The following SATB1 variants were observed in gnomAD, a reference collection of about 807,000 sequenced individuals.
SATB1 encodes SATB homeobox 1.
SATB1 carries 11 observed loss-of-function variants against 86.9 expected under a neutral mutation model. That is an observed-to-expected ratio of 0.13 (90% CI 0.08 to 0.21). The LOEUF (loss-of-function observed/expected upper bound fraction) is 0.21, where lower values mean the gene tolerates loss of function less well. SATB1 is among the 10% of genes least tolerant of loss of function. The probability of loss-of-function intolerance (pLI) is 1.00; values close to 1 mark genes in which losing one functional copy is unlikely to be tolerated. For synonymous variants in SATB1, 357 were observed against 357.2 expected, an observed-to-expected ratio of 1.00 and a Z score of 0.01; for missense variants, 551 against 937.6, an observed-to-expected ratio of 0.59 and a Z score of 5.39.
At chr3:18,415,356 G>C in intron 4 of SATB1, 122 bp from the exon 5 acceptor site, 1 of 1,114,430 alleles carries the variant, frequency 9.0e-7, no homozygotes, top group Non-Finnish European at 1.3e-6. Flanking sequence ...GATTGCTCTC[G>C]GTCTCCTGAT....
At chr3:18,430,331 T>C (rs1243106604), upstream of SATB1, among the ~76,000 whole-genome samples, 1 of 152,226 alleles carries the variant, frequency 6.6e-6, no homozygotes, top group African/African-American at 2.4e-5. Flanking sequence ...AATTAGCCTG[T>C]AGATCTGTAA....
At chr3:18,426,708 G>T (rs570837439), upstream of SATB1, among the ~76,000 whole-genome samples, 1 of 152,220 alleles carries the variant, frequency 6.6e-6, no homozygotes, top group South Asian at 2.1e-4. This position sits in a 1 kb window ranked among gnomAD's most constrained non-coding sequence, Gnocchi z 4.2. Context: ...TGCTGGTAGG[G>T]AAAAGAGAAA....
rs532639233 is a variant in SATB1, at chr3:18,387,748, C to A, written c.1207-1137G>T. On this transcript the variant is annotated intron_variant, in intron 7 of 10. Coordinates refer to ENST00000338745, the MANE Select transcript of SATB1 (RefSeq NM_002971.6). ...TTTGTCAGGATTTCTATATAATTTGCAAATCTACTTTCCAATATCCTGCAG... is the reference window on the plus strand; with the variant it reads ...TTTGTCAGGATTTCTATATAATTTGAAAATCTACTTTCCAATATCCTGCAG... 2.5e-4 allele frequency among the ~76,000 whole-genome samples: 38 copies of A among 152,216 alleles called. 2 individuals are homozygous for A. The South Asian group carries it at 7.9e-3, about 32-fold the overall frequency.
At chr3:18,434,167 A>G (rs1376300762) in intron 2 of SATB1, among the ~76,000 whole-genome samples, 29 of 152,022 alleles carry the variant, frequency 1.9e-4, no homozygotes. Flanking sequence ...TTAACCTCTC[A>G]TCTCTTCTTT....
chr3:18,415,337 G>A, intron 4 of SATB1, 103 bp from the exon 5 acceptor site: 1 of 1,337,198 alleles, frequency 7.5e-7, no homozygotes, highest in African/African-American at 1.5e-5. Flanking sequence ...TCAAACAGAT[G>A]CATCTGGAGA....
chr3:18,345,842 T>C lies in SATB1; in HGVS notation c.*3328A>G, dbSNP rs1694027757. On this transcript the variant is annotated 3_prime_UTR_variant, in exon 11 of 11. Coordinates refer to ENST00000338745, the MANE Select transcript of SATB1 (RefSeq NM_002971.6). ...TCATTTATTGAGAATATTGTGACAATCAAAGACCTTAATATCAGCCAGATG... is the reference window on the plus strand; with the variant it reads ...TCATTTATTGAGAATATTGTGACAACCAAAGACCTTAATATCAGCCAGATG... The C allele has an allele frequency of 1.3e-5, 2 of 152,062 alleles. No homozygotes were observed. Among genetic ancestry groups the C allele is most frequent in the Non-Finnish European group, 2.9e-5 (2 of 67,956 alleles). 9.4% of individuals were successfully genotyped at this position (152,062 alleles called of 1,614,324 possible). A position where few individuals can be genotyped will look rare whatever the true frequency, so the allele number is the denominator to read the frequency against.
At chr3:18,440,393 C>T (rs1415757472), upstream of SATB1, among the ~76,000 whole-genome samples, 1 of 152,118 alleles carries the variant, frequency 6.6e-6, no homozygotes, top group African/African-American at 2.4e-5. Flanking sequence ...GACCCCTATC[C>T]CCAACCAGGA....
rs923352427 is a variant in SATB1 at position 18,425,100 on chromosome 3, G to A, written c.-1498C>T. On this transcript the variant is annotated 5_prime_UTR_variant, in exon 1 of 11. Transcript: ENST00000338745. The stretch of plus-strand genomic sequence containing the variant: ...CCGCCGCCGTGCCCCGCTCGGCTCC[G>A]CGCGTCCGCCCGGGCTGCAGCCCTC... 3.0e-5 allele frequency: 5 copies of A among 164,070 alleles called. No individual in the cohort carries two copies. The highest frequency in any genetic ancestry group is 7.2e-5 in the African/African-American group (3 of 41,530). The allele number at this position is 164,070 out of a possible 1,614,324, so 10.2% of individuals were successfully genotyped here.
chr3:18,429,716 C>T (rs1698826953), upstream of SATB1, among the ~76,000 whole-genome samples: 1 of 152,084 alleles, frequency 6.6e-6, no homozygotes, highest in Non-Finnish European at 1.5e-5. The surrounding 1 kb of genome is among the most constrained non-coding windows in gnomAD (Gnocchi z 4.1). Context: ...AGTTCTGGCC[C>T]CCATTATATA....
At chr3:18,441,849 A>G (rs911893816), upstream of SATB1, among the ~76,000 whole-genome samples, 7 of 152,300 alleles carry the variant, frequency 4.6e-5, no homozygotes, top group Non-Finnish European at 1.0e-4. Flanking sequence ...TTTCTTTACC[A>G]TCACTCAGCA....
rs914172155 is a variant in SATB1 at position 18,346,952 on chromosome 3, G to C, written c.*2218C>G. The C allele has an allele frequency of 2.6e-5, 4 of 152,078 alleles. No homozygotes were observed. The highest frequency in any genetic ancestry group is 9.7e-5 in the African/African-American group (4 of 41,404). 9.4% of individuals were successfully genotyped at this position (152,078 alleles called of 1,614,324 possible). On this transcript the variant is annotated 3_prime_UTR_variant, in exon 11 of 11. Coordinates refer to ENST00000338745, the MANE Select transcript of SATB1 (RefSeq NM_002971.6). The stretch of plus-strand genomic sequence containing the variant: ...TACTTTTCTGAACTCTAGTGAGCCA[G>C]AATGTTTGTTTTCTTACTAAATAAA...
At chr3:18,391,723 CCTT>C (rs1388674474) in intron 7 of SATB1, among the ~76,000 whole-genome samples, 3 of 152,074 alleles carry the variant, frequency 2.0e-5, no homozygotes, top group Non-Finnish European at 4.4e-5. Flanking sequence ...CTGCAGAGCT[CCTT>C]GTCTATACAT....
intron 7 of SATB1, among the ~76,000 whole-genome samples, chr3:18,390,383 T>C (rs763234826): frequency 3.3e-5 from 5 of 152,194 alleles, no homozygotes; most frequent in Non-Finnish European, 2.9e-5. Context: ...TAATCCTATG[T>C]CCAGGTAAAA....
intron 10 of SATB1, chr3:18,351,672 A>T (rs1278576809): frequency 2.0e-6 from 1 of 499,956 alleles, no homozygotes; most frequent in African/African-American, 1.9e-5. Context: ...TTAAATTGTG[A>T]TTTTTAAAAA....
chr3:18,440,255 A>G (rs576831437), upstream of SATB1, among the ~76,000 whole-genome samples: 1 of 152,218 alleles, frequency 6.6e-6, no homozygotes, highest in South Asian at 2.1e-4. Context: ...TTGATGTTAT[A>G]GTTGAGGTAT....
upstream of SATB1, among the ~76,000 whole-genome samples, chr3:18,441,252 T>A (rs191967724): frequency 6.6e-6 from 1 of 152,282 alleles, no homozygotes; most frequent in East Asian, 1.9e-4. Context: ...TATGACAGTA[T>A]ATAGCAACTA....
chr3:18,360,287 TTTACA>T (rs1575087706), intron 9 of SATB1, among the ~76,000 whole-genome samples: 2 of 152,158 alleles, frequency 1.3e-5, no homozygotes, highest in Non-Finnish European at 2.9e-5. Context: ...AGTGAGAATC[TTTACA>T]TTAGTCTTCC....
chr3:18,407,667 C>G (rs1697614471), intron 5 of SATB1, among the ~76,000 whole-genome samples: 1 of 152,006 alleles, frequency 6.6e-6, no homozygotes, highest in Admixed American at 6.6e-5. Context: ...CACAACATAA[C>G]TCACATTCCT....
At chr3:18,421,078 A>G (rs559583748) in intron 1 of SATB1, 87 bp from the exon 2 acceptor site, 43 of 820,794 alleles carry the variant, frequency 5.2e-5, no homozygotes, top group Admixed American at 4.2e-4. Context: ...TTAGCTCTAG[A>G]TATCTCTCCA....
Sources: allele counts gnomAD v4.1 joint callset (sites outside exome capture counted in the v4.1 genomes callset), GRCh38; gene constraint gnomAD v4.1.1; non-coding constraint Gnocchi (gnomAD v3.1); transcripts MANE v1.5; gene names NCBI Gene and HGNC (gene_info 2026-07-23, HGNC 2026-07-21).